The following CREB5 variants were observed in gnomAD, a reference collection of about 807,000 sequenced individuals.
CREB5 encodes cyclic AMP-responsive element-binding protein 5.
In CREB5, 19 loss-of-function variants were observed where a neutral mutation model predicts 57.1. The ratio of observed to expected loss-of-function variants is 0.33; its 90% CI spans 0.23 to 0.49. The LOEUF (loss-of-function observed/expected upper bound fraction) is 0.49. Ranked by LOEUF, CREB5 falls within the 20% of genes least tolerant of loss-of-function variation. The pLI, the probability that CREB5 is intolerant of heterozygous loss-of-function variation, is 0.99. For synonymous variants in CREB5, 238 were observed against 238.3 expected (o/e 1.00, Z 0.01); for missense variants, 579 against 671.6 (o/e 0.86, Z 1.52).
chr7:28,533,579 G>C (rs1360519290), intron 4 of CREB5, among the ~76,000 whole-genome samples: 2 of 152,234 alleles, frequency 1.3e-5, no homozygotes, highest in Admixed American at 1.3e-4. Flanking sequence ...TACTGGGTAA[G>C]AACTAAGTTC....
At chr7:28,459,537 C>A (rs562414680) in intron 1 of CREB5, among the ~76,000 whole-genome samples, 1 of 152,274 alleles carries the variant, frequency 6.6e-6, no homozygotes, top group South Asian at 2.1e-4. Context: ...TATGAGTTAG[C>A]TCATGGGTTA....
chr7:28,479,999 C>T (rs943513433), intron 1 of CREB5, among the ~76,000 whole-genome samples: 4 of 136,428 alleles, frequency 2.9e-5, no homozygotes, highest in African/African-American at 1.1e-4. Flanking sequence ...GATATAGATA[C>T]TTATCTAGAA....
upstream of CREB5, among the ~76,000 whole-genome samples, chr7:28,408,009 C>A (rs1468087438): frequency 6.6e-6 from 1 of 152,184 alleles, no homozygotes; most frequent in Non-Finnish European, 1.5e-5. Context: ...CTCCATCTCC[C>A]AGCCAATGTG....
chr7:28,420,397 T>C (rs532534888), intron 1 of CREB5, among the ~76,000 whole-genome samples: 1 of 152,364 alleles, frequency 6.6e-6, no homozygotes, highest in African/African-American at 2.4e-5. Flanking sequence ...GAAAGTCTTA[T>C]ATTCCTTCAC....
intron 1 of CREB5, among the ~76,000 whole-genome samples, chr7:28,454,319 C>A (rs547371726): frequency 2.0e-5 from 3 of 152,142 alleles, no homozygotes; most frequent in Non-Finnish European, 4.4e-5. Flanking sequence ...CCAACATGCC[C>A]TCCTCTTCCA....
intron 5 of CREB5, among the ~76,000 whole-genome samples, chr7:28,618,994 A>G (rs1051537666): frequency 6.6e-6 from 1 of 152,238 alleles, no homozygotes; most frequent in African/African-American, 2.4e-5. Context: ...TAGAGGCTCT[A>G]TCATTCTCAC....
At chr7:28,548,928 G>C (rs1794518442) in intron 4 of CREB5, among the ~76,000 whole-genome samples, 2 of 152,026 alleles carry the variant, frequency 1.3e-5, no homozygotes, top group African/African-American at 2.4e-5. Flanking sequence ...AAATAATTAG[G>C]TCAAAACTAC....
intron 3 of CREB5, among the ~76,000 whole-genome samples, chr7:28,501,764 G>A (rs1357575351): frequency 2.6e-5 from 4 of 152,190 alleles, no homozygotes; most frequent in African/African-American, 9.7e-5. Flanking sequence ...TGGCTTGATT[G>A]CAGTTGGAAC....
At chr7:28,345,358 A>G (rs1786035722) in intron 1 of CREB5, among the ~76,000 whole-genome samples, 1 of 152,048 alleles carries the variant, frequency 6.6e-6, no homozygotes. Flanking sequence ...AATCAAAATC[A>G]TGACAAGTAT....
chr7:28,509,609 TA>T (rs1442436895), intron 4 of CREB5, among the ~76,000 whole-genome samples: 1 of 152,224 alleles, frequency 6.6e-6, no homozygotes, highest in Non-Finnish European at 1.5e-5. Flanking sequence ...ATTTTTAATT[TA>T]AAAAACATTG....
At chr7:28,792,467 G>A (rs552235134) in intron 7 of CREB5, among the ~76,000 whole-genome samples, 5 of 152,280 alleles carry the variant, frequency 3.3e-5, no homozygotes, top group African/African-American at 1.2e-4. Context: ...GTATGATTTG[G>A]ATGCGTATCA....
chr7:28,797,874 G>A (rs1182001652), intron 7 of CREB5, among the ~76,000 whole-genome samples: 1 of 152,126 alleles, frequency 6.6e-6, no homozygotes, highest in Non-Finnish European at 1.5e-5. Context: ...GCTTCATGCA[G>A]TGAAGGCTTT....
rs894161980 is a variant in CREB5, at chr7:28,362,043, G to T, written c.-25+62602G>T. ...CCTTGTGGTGAACCCTTTACATTTGGCTAATAGAATTGGGCAACAATATGA... is the reference window on the plus strand; with the variant it reads ...CCTTGTGGTGAACCCTTTACATTTGTCTAATAGAATTGGGCAACAATATGA... On this transcript the variant is annotated intron_variant, in intron 1 of 9. Transcript: ENST00000396299. 6.6e-5 allele frequency among the ~76,000 whole-genome samples: 10 copies of T among 152,222 alleles called. No homozygotes were observed. The East Asian group carries it at 1.7e-3, about 26-fold the overall frequency.
intron 5 of CREB5, among the ~76,000 whole-genome samples, chr7:28,660,707 C>T (rs1484272549): frequency 6.6e-6 from 1 of 152,106 alleles, no homozygotes; most frequent in Admixed American, 6.6e-5. Context: ...TGCCCCCACC[C>T]CTTCACCTTT....
chr7:28,422,842 A>T (rs1788328316), intron 1 of CREB5, among the ~76,000 whole-genome samples: 1 of 152,208 alleles, frequency 6.6e-6, no homozygotes, highest in South Asian at 2.1e-4. Context: ...TTTGCCCAAT[A>T]GCCCATACCT....
intron 5 of CREB5, among the ~76,000 whole-genome samples, chr7:28,690,561 A>T (rs1184558845): frequency 6.6e-6 from 1 of 152,146 alleles, no homozygotes; most frequent in Non-Finnish European, 1.5e-5. Flanking sequence ...TGACTTTGAC[A>T]AGCCACTTCA....
rs180987242 is a variant in CREB5 at position 28,487,367 on chromosome 7, A to T, written c.4-808A>T. On this transcript the variant is annotated intron_variant, in intron 1 of 10. Coordinates refer to ENST00000357727, the MANE Select transcript of CREB5 (RefSeq NM_182898.4). The stretch of plus-strand genomic sequence containing the variant: ...GCTGGGATTACAGGCATGAGCCACC[A>T]TGCCTGTCTGATTATAAGGTTTTTT... Among the ~76,000 whole-genome samples the T allele has an allele frequency of 7.9e-5, 12 of 152,248 alleles. No individual in the cohort carries two copies. The East Asian group carries it at 2.3e-3, about 29-fold the overall frequency.
chr7:28,628,874 A>G (rs1247905283), intron 5 of CREB5, among the ~76,000 whole-genome samples: 1 of 152,196 alleles, frequency 6.6e-6, no homozygotes, highest in Non-Finnish European at 1.5e-5. Flanking sequence ...GGGGGGAGAA[A>G]AGATTATTAG....
chr7:28,733,630 C>T (rs759895208), intron 7 of CREB5, among the ~76,000 whole-genome samples: 19 of 152,180 alleles, frequency 1.2e-4, no homozygotes, highest in Non-Finnish European at 2.6e-4. Flanking sequence ...ACTCCACTTG[C>T]ACTGTTTGTC....
Sources: allele counts gnomAD v4.1 joint callset (sites outside exome capture counted in the v4.1 genomes callset), GRCh38; gene constraint gnomAD v4.1.1; transcripts MANE v1.5; gene names NCBI Gene and HGNC (gene_info 2026-07-23, HGNC 2026-07-21).